Variants in SSBP2 observed in about 807,000 individuals in gnomAD.
SSBP2 encodes single stranded DNA binding protein 2.
In SSBP2, 17 loss-of-function variants were observed where a neutral mutation model predicts 61.8. That is an observed-to-expected ratio of 0.28 (90% CI 0.19 to 0.41). SSBP2 has a LOEUF of 0.41. Among genes scored for constraint, SSBP2 ranks in the 10% least tolerant of loss-of-function variants. The pLI is 1.00. For synonymous variants in SSBP2, 139 were observed against 141.3 expected (o/e 0.98, Z 0.12); for missense variants, 310 against 458.7 (o/e 0.68, Z 2.96).
intron 16 of SSBP2, among the ~76,000 whole-genome samples, chr5:81,427,837 T>C (rs1477930616): frequency 6.6e-6 from 1 of 152,194 alleles, no homozygotes; most frequent in Admixed American, 6.5e-5. Flanking sequence ...CTCCTGGAAA[T>C]TCTGATTCAC....
chr5:81,488,031 ATATATAT>A lies in SSBP2; in HGVS notation c.432+1212_432+1218del, dbSNP rs1561459133. Among the ~76,000 whole-genome samples, 11 of 15,694 alleles carry A rather than the reference ATATATAT, an allele frequency of 7.0e-4. 2 individuals carry two copies. The highest frequency in any genetic ancestry group is 1.3e-3 in the African/African-American group (1 of 774). 10.3% of individuals were successfully genotyped at this position (15,694 alleles called of 152,430 possible). The stretch of plus-strand genomic sequence containing the variant: ...AAATAATATATATATATATATATAT[ATATATAT>A]ATATATATATATATATATATAAATA... On this transcript the variant is annotated intron_variant, in intron 6 of 16. Coordinates refer to ENST00000320672, the MANE Select transcript of SSBP2 (RefSeq NM_012446.5).
intron 1 of SSBP2, among the ~76,000 whole-genome samples, chr5:81,712,924 C>T (rs1162212254): frequency 1.3e-5 from 2 of 151,622 alleles, no homozygotes; most frequent in African/African-American, 2.4e-5. Flanking sequence ...GACGGAGTTT[C>T]ACCAGCTTGT....
intron 1 of SSBP2, among the ~76,000 whole-genome samples, chr5:81,723,822 T>C (rs377324376): frequency 2.8e-4 from 42 of 152,132 alleles, no homozygotes; most frequent in African/African-American, 9.9e-4. Flanking sequence ...GGGACAATAT[T>C]ATAGACTAGT....
intron 4 of SSBP2, among the ~76,000 whole-genome samples, chr5:81,578,876 C>T (rs72773045): frequency 0.013 from 2,042 of 152,020 alleles, 15 homozygotes; most frequent in Non-Finnish European, 0.021. Context: ...ATGCCACACT[C>T]CCTAAGTAAC....
At chr5:81,639,605 C>T (rs899786150) in intron 2 of SSBP2, among the ~76,000 whole-genome samples, 19 of 151,474 alleles carry the variant, frequency 1.3e-4, no homozygotes, top group African/African-American at 4.1e-4. Flanking sequence ...ACTTTAAATA[C>T]GGAGATCCAG....
At chr5:81,663,721 GGTCT>G (rs1287007817) in intron 1 of SSBP2, among the ~76,000 whole-genome samples, 1 of 151,956 alleles carries the variant, frequency 6.6e-6, no homozygotes, top group Non-Finnish European at 1.5e-5. Flanking sequence ...TTTCTACTTA[GGTCT>G]GTCTATTACC....
intron 3 of SSBP2, among the ~76,000 whole-genome samples, chr5:81,634,668 T>C (rs1748037806): frequency 6.6e-6 from 1 of 152,248 alleles, no homozygotes; most frequent in Non-Finnish European, 1.5e-5. Context: ...AAATTCAGCC[T>C]CATCCCTAAT....
At chr5:81,433,647 C>A (rs1762486451) in intron 15 of SSBP2, among the ~76,000 whole-genome samples, 2 of 151,530 alleles carry the variant, frequency 1.3e-5, no homozygotes, top group South Asian at 4.2e-4. Flanking sequence ...CTACCCTCAA[C>A]CCCAACTCCA....
intron 5 of SSBP2, among the ~76,000 whole-genome samples, chr5:81,497,118 T>C (rs1767347691): frequency 6.6e-6 from 1 of 152,182 alleles, no homozygotes; most frequent in Non-Finnish European, 1.5e-5. Context: ...TGAAATAAAA[T>C]AAATTTCAAA....
intron 4 of SSBP2, among the ~76,000 whole-genome samples, chr5:81,530,116 C>A (rs756520445): frequency 6.6e-6 from 1 of 151,916 alleles, no homozygotes; most frequent in Non-Finnish European, 1.5e-5. Flanking sequence ...TTCAAAAAAA[C>A]AGAGGAAGAA....
chr5:81,446,902 C>T lies in SSBP2; in HGVS notation c.744G>A (p.Gly248=). Reference sequence around the variant, plus strand: ...TAGGCATGATGGGTGTTCCTGGTGGCCCTCCACCTCCTGGAGGACCCTAAA... The same window carrying T: ...TAGGCATGATGGGTGTTCCTGGTGGTCCTCCACCTCCTGGAGGACCCTAAA... The change falls in exon 12 of 17, where the codon GGG becomes GGA. Residue 248 remains glycine (G), a synonymous_variant. Transcript: ENST00000320672. The T allele has an allele frequency of 1.2e-6, 2 of 1,605,002 alleles. No individual in the cohort carries two copies. The highest frequency in any genetic ancestry group is 1.7e-5 in the Admixed American group (1 of 58,706).
chr5:81,435,608 C>T (rs1025342827), intron 15 of SSBP2, among the ~76,000 whole-genome samples: 2 of 152,130 alleles, frequency 1.3e-5, no homozygotes, highest in Non-Finnish European at 2.9e-5. Context: ...GATATGAGGG[C>T]AGATTAGAAG....
At chr5:81,718,186 C>T (rs74331142) in intron 1 of SSBP2, among the ~76,000 whole-genome samples, 1,823 of 151,664 alleles carry the variant, frequency 0.012, 45 homozygotes, top group African/African-American at 0.042. Context: ...ACACATTATG[C>T]GCAGGGAAAT....
At chr5:81,740,688 T>C (rs1756955503) in intron 1 of SSBP2, among the ~76,000 whole-genome samples, 1 of 152,150 alleles carries the variant, frequency 6.6e-6, no homozygotes, top group African/African-American at 2.4e-5. Flanking sequence ...TTAAAGTAAC[T>C]TATGCCGGAT....
intron 1 of SSBP2, among the ~76,000 whole-genome samples, chr5:81,690,343 T>C (rs1411920774): frequency 6.6e-6 from 1 of 152,140 alleles, no homozygotes; most frequent in Non-Finnish European, 1.5e-5. Flanking sequence ...TCCAACGATC[T>C]GTTGCGTACA....
intron 3 of SSBP2, among the ~76,000 whole-genome samples, chr5:81,624,398 T>A (rs1057419876): frequency 6.6e-6 from 1 of 152,196 alleles, no homozygotes; most frequent in African/African-American, 2.4e-5. Context: ...TTATCTGAAA[T>A]TCTTGGGACC....
intron 14 of SSBP2, 87 bp downstream of exon 14, chr5:81,440,471 G>T: frequency 8.9e-7 from 1 of 1,121,242 alleles, no homozygotes; most frequent in Non-Finnish European, 1.3e-6. Context: ...GCTGGCTATG[G>T]AAGAACTTTG....
chr5:81,731,424 C>T (rs1756256206), intron 1 of SSBP2, among the ~76,000 whole-genome samples: 1 of 152,070 alleles, frequency 6.6e-6, no homozygotes, highest in African/African-American at 2.4e-5. Context: ...GAATCCTGGG[C>T]AATATCCTAT....
intron 1 of SSBP2, among the ~76,000 whole-genome samples, chr5:81,655,145 T>C (rs1750095463): frequency 6.6e-6 from 1 of 152,120 alleles, no homozygotes; most frequent in Admixed American, 6.5e-5. Flanking sequence ...CCAGATCTTA[T>C]GTCTTAAAAA....
Sources: allele counts gnomAD v4.1 joint callset (sites outside exome capture counted in the v4.1 genomes callset), GRCh38; gene constraint gnomAD v4.1.1; transcripts MANE v1.5; gene names NCBI Gene and HGNC (gene_info 2026-07-23, HGNC 2026-07-21).